Variants in PLSCR2 observed in about 807,000 individuals in gnomAD.
PLSCR2 encodes phospholipid scramblase 2, also known as PL scramblase 2.
In PLSCR2, 18 loss-of-function variants were observed where a neutral mutation model predicts 25.3. That is an observed-to-expected ratio of 0.71 (90% confidence interval 0.49 to 1.06). The LOEUF is 1.06. PLSCR2 is among the 50% of genes least tolerant of loss of function. PLSCR2 has a pLI of 0.00. For missense variants in PLSCR2, 243 were observed against 269.5 expected (o/e 0.90, Z 0.69); for synonymous variants, 88 against 87.3 (o/e 1.01, Z -0.04).
At position 146,407,164 on chromosome 3, in the gene PLSCR2, T is replaced by C. The variant is rs185582829; in HGVS notation, c.101-11243A>G. ...TTTTTAGGGTGCGGTTTATGCGTTC[T>C]ACCTACCTAGAGCTCTGGGGTCGAT... On this transcript the variant is annotated intron_variant and NMD_transcript_variant, in intron 2 of 3. Transcript: ENST00000463633. Among the ~76,000 whole-genome samples the C allele has an allele frequency of 3.4e-3, 517 of 152,326 alleles. 1 individual carries two copies. The highest frequency in any genetic ancestry group is 6.5e-3 in the Admixed American group (99 of 15,298).
intron 2 of PLSCR2, among the ~76,000 whole-genome samples, chr3:146,397,267 C>T (rs988751201): frequency 6.6e-5 from 10 of 152,114 alleles, no homozygotes; most frequent in Non-Finnish European, 1.3e-4. Flanking sequence ...ATGGTCAGTT[C>T]GTTTCTTAAT....
At chr3:146,482,742 T>G (rs140083521) in intron 1 of PLSCR2, among the ~76,000 whole-genome samples, 1 of 152,194 alleles carries the variant, frequency 6.6e-6, no homozygotes, top group African/African-American at 2.4e-5. Flanking sequence ...ACCCAAAGAT[T>G]ATAAATCAGG....
exon 1 of PLSCR2, chr3:146,460,208 G>T: frequency 1.4e-6 from 2 of 1,387,994 alleles, no homozygotes; most frequent in South Asian, 3.3e-5. Context: ...TGAAGCTTGA[G>T]GTATGTTTTT....
chr3:146,480,544 G>C (rs2043092968), intron 1 of PLSCR2, among the ~76,000 whole-genome samples: 1 of 152,134 alleles, frequency 6.6e-6, no homozygotes, highest in African/African-American at 2.4e-5. Flanking sequence ...CCAGGAAGAA[G>C]TTGAATCTCT....
At chr3:146,468,707 A>G (rs73865732) in intron 1 of PLSCR2, among the ~76,000 whole-genome samples, 4,258 of 152,304 alleles carry the variant, frequency 0.028, 223 homozygotes, top group African/African-American at 0.097. Context: ...AACTAAGCCC[A>G]TAAAGATAAA....
chr3:146,409,661 T>G (rs2038780915), intron 2 of PLSCR2, among the ~76,000 whole-genome samples: 1 of 152,280 alleles, frequency 6.6e-6, no homozygotes, highest in African/African-American at 2.4e-5. Context: ...CTTGCCTTTT[T>G]TAAGGTGGAC....
chr3:146,426,799 A>C (rs555774051), intron 2 of PLSCR2, among the ~76,000 whole-genome samples: 1 of 152,308 alleles, frequency 6.6e-6, no homozygotes, highest in East Asian at 1.9e-4. Flanking sequence ...GAAACACTAG[A>C]AAATGGTAGT....
At chr3:146,454,096 G>T (rs141636818) in exon 5 of PLSCR2, 2 of 1,609,784 alleles carry the variant, frequency 1.2e-6, no homozygotes, top group Non-Finnish European at 1.7e-6. Flanking sequence ...TGTAAACTTT[G>T]TTAGACATGG....
At chr3:146,463,652 T>A (rs1462288012), upstream of PLSCR2, among the ~76,000 whole-genome samples, 2 of 152,124 alleles carry the variant, frequency 1.3e-5, no homozygotes, top group Admixed American at 1.3e-4. Flanking sequence ...TTACCCAAAA[T>A]TTTTATCTTG....
At chr3:146,469,546 T>C in intron 1 of PLSCR2, 1 of 985,428 alleles carries the variant, frequency 1.0e-6, no homozygotes, top group South Asian at 4.7e-5. Context: ...GGTCCTAGCG[T>C]GGCTTCCTCC....
upstream of PLSCR2, among the ~76,000 whole-genome samples, chr3:146,461,056 T>C (rs1226248590): frequency 1.3e-5 from 2 of 152,184 alleles, no homozygotes; most frequent in African/African-American, 4.8e-5. Flanking sequence ...AATTCTAAAG[T>C]AGCAGAATAG....
upstream of PLSCR2, among the ~76,000 whole-genome samples, chr3:146,463,015 G>A (rs990391014): frequency 1.3e-5 from 2 of 152,110 alleles, no homozygotes; most frequent in African/African-American, 4.8e-5. Context: ...GAAAATTTCA[G>A]GTCCTGTGGC....
intron 1 of PLSCR2, among the ~76,000 whole-genome samples, chr3:146,473,215 T>C (rs1395537020): frequency 6.6e-6 from 1 of 152,152 alleles, no homozygotes; most frequent in Non-Finnish European, 1.5e-5. Context: ...TCATCTTTTT[T>C]TCATCCTTGG....
intron 1 of PLSCR2, among the ~76,000 whole-genome samples, chr3:146,490,354 A>C (rs905008406): frequency 2.6e-5 from 4 of 152,066 alleles, no homozygotes; most frequent in African/African-American, 9.7e-5. Flanking sequence ...AGCTCTCTGC[A>C]TTCTGGGCTG....
chr3:146,445,063 T>G (rs2108273226), intron 6 of PLSCR2, among the ~76,000 whole-genome samples: 1 of 152,258 alleles, frequency 6.6e-6, no homozygotes, highest in Non-Finnish European at 1.5e-5. Context: ...CACTTTAATT[T>G]CATTGTCCCA....
At chr3:146,429,540 C>T (rs2039469213), downstream of PLSCR2, among the ~76,000 whole-genome samples, 1 of 152,112 alleles carries the variant, frequency 6.6e-6, no homozygotes, top group African/African-American at 2.4e-5. Flanking sequence ...AATTTCTAAG[C>T]AGCAAAGCAT....
At chr3:146,411,851 G>T (rs555167206) in intron 2 of PLSCR2, among the ~76,000 whole-genome samples, 1 of 152,186 alleles carries the variant, frequency 6.6e-6, no homozygotes, top group South Asian at 2.1e-4. Context: ...CAGGTGCAGG[G>T]ACTTTAAGAC....
intron 4 of PLSCR2, among the ~76,000 whole-genome samples, chr3:146,455,008 C>T (rs1234218357): frequency 6.6e-6 from 1 of 152,158 alleles, no homozygotes; most frequent in African/African-American, 2.4e-5. Flanking sequence ...ATCAAGAACT[C>T]TCATTTCTGA....
At chr3:146,403,279 G>T (rs761968076) in intron 2 of PLSCR2, among the ~76,000 whole-genome samples, 1 of 151,886 alleles carries the variant, frequency 6.6e-6, no homozygotes, top group African/African-American at 2.4e-5. Context: ...ACTAACTCAC[G>T]GTGTTAAATT....
Sources: allele counts gnomAD v4.1 joint callset (sites outside exome capture counted in the v4.1 genomes callset), GRCh38; gene constraint gnomAD v4.1.1; transcripts MANE v1.5; gene names NCBI Gene and HGNC (gene_info 2026-07-23, HGNC 2026-07-21).